OSBP: variants seen among roughly 807,000 people sequenced by gnomAD.
OSBP encodes oxysterol-binding protein 1.
A neutral mutation model predicts 96.6 loss-of-function variants in OSBP; 32 were observed. The observed-to-expected ratio is 0.33, with a 90% CI of 0.25 to 0.45. The LOEUF (loss-of-function observed/expected upper bound fraction) is 0.45. OSBP is among the 20% of genes least tolerant of loss of function. The probability of loss-of-function intolerance (pLI) is 1.00; values close to 1 mark genes in which losing one functional copy is unlikely to be tolerated. For synonymous variants in OSBP, 369 were observed against 389.6 expected (o/e 0.95, Z 0.62); for missense variants, 653 against 1,029.7 (o/e 0.63, Z 5.01).
chr11:59,600,650 C>T (rs1860712043), intron 6 of OSBP, 23 bp from the exon 7 acceptor site: 1 of 1,608,958 alleles, frequency 6.2e-7, no homozygotes, highest in Admixed American at 1.7e-5. Context: ...CAAAGCCATT[C>T]AACCACCCAC....
At chr11:59,590,022 C>G (rs771970517) in intron 9 of OSBP, among the ~76,000 whole-genome samples, 5 of 152,042 alleles carry the variant, frequency 3.3e-5, no homozygotes, top group Non-Finnish European at 5.9e-5. Flanking sequence ...CTTAAAATAG[C>G]CTTCATTATT....
At chr11:59,578,057 AAT>A in intron 12 of OSBP, 90 bp downstream of exon 12, 1 of 1,181,770 alleles carries the variant, frequency 8.5e-7, no homozygotes. Flanking sequence ...TTCCCCACAT[AAT>A]TAAGTGAGAG....
intron 7 of OSBP, among the ~76,000 whole-genome samples, chr11:59,595,497 C>T (rs1406644919): frequency 6.6e-6 from 1 of 152,120 alleles, no homozygotes; most frequent in African/African-American, 2.4e-5. Flanking sequence ...GCTATCCCCC[C>T]ACCGCCCGCT....
chr11:59,593,829 C>G (rs1860615448), intron 8 of OSBP, 105 bp from the exon 9 acceptor site: 4 of 1,502,590 alleles, frequency 2.7e-6, no homozygotes, highest in Admixed American at 3.8e-5. Flanking sequence ...GTTTTTACAC[C>G]CACAACAGTA....
intron 12 of OSBP, 116 bp from the exon 13 acceptor site, chr11:59,577,141 G>C (rs1372443533): frequency 1.2e-6 from 1 of 814,380 alleles, no homozygotes; most frequent in South Asian, 1.8e-5. Context: ...TACAAAAACA[G>C]GATCTGTGAA....
chr11:59,576,781 A>T, intron 13 of OSBP, 24 bp downstream of exon 13: 1 of 1,612,860 alleles, frequency 6.2e-7, no homozygotes, highest in Non-Finnish European at 8.5e-7. Context: ...ATCAAGAAAG[A>T]AGAGTAGAAG....
chr11:59,588,688 TTTATG>T (rs1188598703), intron 9 of OSBP, among the ~76,000 whole-genome samples: 5 of 151,934 alleles, frequency 3.3e-5, no homozygotes, highest in African/African-American at 4.8e-5. Context: ...GGTGCTAAAT[TTTATG>T]TTATGTGTAT....
chr11:59,605,406 C>CATTT (rs1021708038), intron 3 of OSBP, among the ~76,000 whole-genome samples: 25 of 151,954 alleles, frequency 1.6e-4, no homozygotes, highest in Admixed American at 7.2e-4. Context: ...CCTTTTATTT[C>CATTT]ATTTATTTAT....
Position 59,610,631 on chromosome 11 carries a change from G to A in OSBP, c.363-42C>T, listed in dbSNP as rs199694782. ...AAGACAATTTAAACAGAAAGTTGACGGTTTATCCTTTATCACATTCCATTT... is the reference window on the plus strand; with the variant it reads ...AAGACAATTTAAACAGAAAGTTGACAGTTTATCCTTTATCACATTCCATTT... On this transcript the variant is annotated intron_variant, in intron 1 of 13. Transcript: ENST00000263847. The A allele has an allele frequency of 6.1e-6, 9 of 1,474,858 alleles. 1 individual carries two copies. The highest frequency in any genetic ancestry group is 1.4e-5 in the African/African-American group (1 of 72,342). 91.4% of individuals were successfully genotyped at this position (1,474,858 alleles called of 1,614,324 possible).
At chr11:59,600,745 C>CAAAAA in intron 6 of OSBP, 74 bp downstream of exon 6, 4 of 1,298,116 alleles carry the variant, frequency 3.1e-6, no homozygotes, top group East Asian at 2.4e-5. Flanking sequence ...TAGCACTTCA[C>CAAAAA]AAAAAAAAAA....
intron 1 of OSBP, among the ~76,000 whole-genome samples, chr11:59,611,706 A>T (rs1402210840): frequency 6.6e-6 from 1 of 152,212 alleles, no homozygotes; most frequent in Non-Finnish European, 1.5e-5. Context: ...TAAGCCGTCT[A>T]TTAATAGCTA....
rs141275090 is a variant in OSBP at position 59,608,126 on chromosome 11, A to AATACATAC, written c.822+350_822+357dup. Among the ~76,000 whole-genome samples, 578 of 151,076 alleles carry AATACATAC rather than the reference A, an allele frequency of 3.8e-3. 5 individuals are homozygous for AATACATAC. Among genetic ancestry groups the AATACATAC allele is most frequent in the Admixed American group, 7.0e-3 (106 of 15,144 alleles). On this transcript the variant is annotated intron_variant, in intron 3 of 13. Transcript: ENST00000263847. ...AGATGAAATGAGACAAAAATAAATA[A>AATACATAC]ATACATACATACATACATACATACA...
intron 9 of OSBP, among the ~76,000 whole-genome samples, chr11:59,583,318 AAAAAAT>A (rs1190814999): frequency 2.0e-5 from 3 of 152,190 alleles, no homozygotes; most frequent in South Asian, 2.1e-4. Flanking sequence ...TCTCAAAAAT[AAAAAAT>A]AAAAATAAAA....
intron 3 of OSBP, among the ~76,000 whole-genome samples, chr11:59,605,337 G>A (rs1419965452): frequency 6.6e-6 from 1 of 152,062 alleles, no homozygotes; most frequent in Non-Finnish European, 1.5e-5. Flanking sequence ...AGACTTTGGG[G>A]AAAGGGATAG....
chr11:59,605,664 G>C (rs1860773145), intron 3 of OSBP, among the ~76,000 whole-genome samples: 2 of 152,172 alleles, frequency 1.3e-5, no homozygotes, highest in African/African-American at 2.4e-5. Flanking sequence ...GGGATTACAG[G>C]TGTGAGGCAC....
At chr11:59,590,307 T>A (rs1441241431) in intron 9 of OSBP, among the ~76,000 whole-genome samples, 1 of 152,228 alleles carries the variant, frequency 6.6e-6, no homozygotes, top group Admixed American at 6.5e-5. Flanking sequence ...TAGGCTGATG[T>A]CTTCAGTGTC....
At position 59,593,688 on chromosome 11, in the gene OSBP, C is replaced by T. The variant is rs762196934; in HGVS notation, c.1594G>A (p.Glu532Lys). The T allele has an allele frequency of 6.2e-7, 1 of 1,614,098 alleles. No homozygotes were observed. The highest frequency in any genetic ancestry group is 8.5e-7 in the Non-Finnish European group (1 of 1,180,004). ...HHPPAAAHHA[E>K]SKNGWTLRQE... ...CGCAATGTCCAGCCATTTTTGGACT[C>T]AGCATGGTGCGCAGCAGCAGGGGGA... The change falls in exon 9 of 14, where the codon GAG becomes AAG. Residue 532 changes from glutamate (E) to lysine (K), a missense_variant. Transcript: ENST00000263847.
At chr11:59,614,956 C>A (rs1156912149) in intron 1 of OSBP, among the ~76,000 whole-genome samples, 1 of 152,178 alleles carries the variant, frequency 6.6e-6, no homozygotes, top group East Asian at 1.9e-4. Flanking sequence ...TCCCTTAGTA[C>A]CTACACCAGT....
At chr11:59,594,745 C>T (rs1565117563) in intron 7 of OSBP, among the ~76,000 whole-genome samples, 1 of 152,216 alleles carries the variant, frequency 6.6e-6, no homozygotes, top group Non-Finnish European at 1.5e-5. Context: ...ATTGCTAAAT[C>T]TCAGTTCAGT....
Sources: allele counts gnomAD v4.1 joint callset (sites outside exome capture counted in the v4.1 genomes callset), GRCh38; gene constraint gnomAD v4.1.1; transcripts MANE v1.5; gene names NCBI Gene and HGNC (gene_info 2026-07-23, HGNC 2026-07-21).